The following RYR2 variants were observed in gnomAD, a reference collection of about 807,000 sequenced individuals.
RYR2 encodes the protein cardiac muscle ryanodine receptor-calcium release channel.
In RYR2, 227 loss-of-function variants were observed where a neutral mutation model predicts 601.1. The ratio of observed to expected loss-of-function variants is 0.38; its 90% CI spans 0.34 to 0.42. RYR2 has a LOEUF of 0.42. Among genes scored for constraint, RYR2 ranks in the 10% least tolerant of loss-of-function variants. RYR2 has a pLI of 1.00. For synonymous variants in RYR2, 2,223 were observed against 2,175.1 expected, an observed-to-expected ratio of 1.02 and a Z score of -0.61; for missense variants, 4,646 against 6,156.5, an observed-to-expected ratio of 0.75 and a Z score of 8.21.
At chr1:237,672,682 C>G (rs1439859366) in intron 58 of RYR2, among the ~76,000 whole-genome samples, 1 of 152,064 alleles carries the variant, frequency 6.6e-6, no homozygotes, top group Non-Finnish European at 1.5e-5. Flanking sequence ...TATAAAGTGT[C>G]CTGTTTAATT....
At chr1:237,131,784 G>A (rs1283002400) in intron 1 of RYR2, among the ~76,000 whole-genome samples, 4 of 151,796 alleles carry the variant, frequency 2.6e-5, no homozygotes, top group African/African-American at 7.3e-5. Flanking sequence ...GCAGTGGCAC[G>A]ATCATGGCTC....
intron 38 of RYR2, among the ~76,000 whole-genome samples, chr1:237,617,720 A>G (rs1053368289): frequency 2.4e-4 from 36 of 152,204 alleles, no homozygotes; most frequent in Admixed American, 3.9e-4. Context: ...TGAGAAGGCC[A>G]AGATATGCCA....
intron 12 of RYR2, among the ~76,000 whole-genome samples, chr1:237,426,721 A>G (rs1452215639): frequency 6.6e-6 from 1 of 152,182 alleles, no homozygotes; most frequent in Admixed American, 6.5e-5. Context: ...GGTACATCAC[A>G]GTGGAAGACA....
chr1:237,438,005 G>A (rs2998400), intron 12 of RYR2, among the ~76,000 whole-genome samples: 1 of 144,210 alleles, frequency 6.9e-6, no homozygotes, highest in Non-Finnish European at 1.5e-5. Context: ...TTAAGCTAGA[G>A]TGTTTTAATG....
intron 1 of RYR2, among the ~76,000 whole-genome samples, chr1:237,217,677 A>G (rs1365355349): frequency 1.4e-5 from 2 of 143,914 alleles, no homozygotes; most frequent in Non-Finnish European, 3.1e-5. Flanking sequence ...CAAGGTACTG[A>G]GTAGGCACAG....
chr1:237,335,212 T>C (rs1697131461), intron 3 of RYR2, among the ~76,000 whole-genome samples: 1 of 152,164 alleles, frequency 6.6e-6, no homozygotes, highest in Admixed American at 6.5e-5. Context: ...TTTGCTTGTT[T>C]CCATGTGTTT....
intron 10 of RYR2, among the ~76,000 whole-genome samples, chr1:237,400,367 G>A (rs1048409799): frequency 2.0e-5 from 3 of 152,146 alleles, no homozygotes; most frequent in Non-Finnish European, 4.4e-5. Context: ...GTGGCAAGAG[G>A]TCAGAAGGGA....
At chr1:237,347,753 A>G (rs1698423637) in intron 3 of RYR2, among the ~76,000 whole-genome samples, 1 of 151,352 alleles carries the variant, frequency 6.6e-6, no homozygotes, top group Non-Finnish European at 1.5e-5. Context: ...AGCTGTGGGA[A>G]AAACAAAAAA....
intron 80 of RYR2, among the ~76,000 whole-genome samples, chr1:237,754,388 A>G (rs1692774959): frequency 6.6e-6 from 1 of 152,098 alleles, no homozygotes; most frequent in Non-Finnish European, 1.5e-5. Flanking sequence ...CAGGTCTTTA[A>G]CTGATCTTCC....
At chr1:237,638,590 T>C in intron 45 of RYR2, 98 bp downstream of exon 45, 13 of 1,286,054 alleles carry the variant, frequency 1.0e-5, no homozygotes, top group Non-Finnish European at 1.3e-5. Flanking sequence ...GAAGTATTAG[T>C]AAAGAAATCA....
At chr1:237,386,275 C>T (rs183479114) in intron 8 of RYR2, among the ~76,000 whole-genome samples, 11 of 152,240 alleles carry the variant, frequency 7.2e-5, no homozygotes, top group East Asian at 3.9e-4. Flanking sequence ...AGAGAGTGAA[C>T]GACCTCTTCT....
intron 80 of RYR2, among the ~76,000 whole-genome samples, chr1:237,744,589 G>A (rs1006996733): frequency 6.6e-6 from 1 of 152,014 alleles, no homozygotes; most frequent in African/African-American, 2.4e-5. Context: ...CTGGGAGAAG[G>A]AGGTTGCAGT....
At chr1:237,108,559 A>G (rs1042828358) in intron 1 of RYR2, among the ~76,000 whole-genome samples, 2 of 152,200 alleles carry the variant, frequency 1.3e-5, no homozygotes, top group African/African-American at 4.8e-5. Flanking sequence ...AGCTGCGCTG[A>G]GCAGAGCTCT....
intron 8 of RYR2, among the ~76,000 whole-genome samples, chr1:237,382,503 T>C (rs1701608023): frequency 6.7e-6 from 1 of 150,362 alleles, no homozygotes; most frequent in African/African-American, 2.5e-5. Context: ...ATTACGTATA[T>C]CTCCTAATGT....
chr1:237,780,548 T>C (rs77426162), intron 88 of RYR2, among the ~76,000 whole-genome samples: 4,689 of 152,282 alleles, frequency 0.031, 133 homozygotes, highest in African/African-American at 0.072. Flanking sequence ...GGATGAGATG[T>C]AAAGTTGTGC....
intron 10 of RYR2, among the ~76,000 whole-genome samples, chr1:237,413,435 G>A (rs1251350747): frequency 6.6e-6 from 1 of 152,116 alleles, no homozygotes; most frequent in Non-Finnish European, 1.5e-5. Context: ...AAAAGGTAAA[G>A]TTGTCAAAGT....
intron 1 of RYR2, among the ~76,000 whole-genome samples, chr1:237,108,550 G>T (rs1170499508): frequency 6.6e-6 from 1 of 152,228 alleles, no homozygotes; most frequent in Admixed American, 6.5e-5. Flanking sequence ...ACAGGGCTGA[G>T]CTGCGCTGAG....
chr1:237,292,962 G>A (rs1692389355), intron 2 of RYR2, among the ~76,000 whole-genome samples: 2 of 151,878 alleles, frequency 1.3e-5, no homozygotes, highest in Admixed American at 1.3e-4. Flanking sequence ...TCAAAGTCAG[G>A]GTTCCAGAGT....
At chr1:237,619,951 C>G (rs1173823770) in intron 38 of RYR2, among the ~76,000 whole-genome samples, 1 of 151,872 alleles carries the variant, frequency 6.6e-6, no homozygotes, top group Non-Finnish European at 1.5e-5. Flanking sequence ...TAAAAGAATG[C>G]TAAAGGAAGT....
Sources: gnomAD v4.1 joint callset for allele counts (sites outside exome capture counted in the v4.1 genomes callset) on GRCh38, gnomAD v4.1.1 for gene constraint, MANE v1.5 for transcripts, NCBI Gene and HGNC (gene_info 2026-07-23, HGNC 2026-07-21) for gene names.